Variants in FBLN2 observed in about 807,000 individuals in gnomAD.
FBLN2 encodes the protein fibulin-2.
FBLN2 carries 81 observed loss-of-function variants against 123.7 expected under a neutral mutation model. The ratio of observed to expected loss-of-function variants is 0.65; its 90% CI spans 0.55 to 0.79. The LOEUF is 0.79. FBLN2 is among the 30% of genes least tolerant of loss of function. The probability of loss-of-function intolerance (pLI) is 0.00; values close to 1 mark genes in which losing one functional copy is unlikely to be tolerated. For synonymous variants in FBLN2, 699 were observed against 701.4 expected (o/e 1.00, Z 0.05); for missense variants, 1,603 against 1,681.3 (o/e 0.95, Z 0.81).
intron 5 of FBLN2, among the ~76,000 whole-genome samples, chr3:13,617,194 C>T (rs1705646399): frequency 6.6e-6 from 1 of 151,792 alleles, no homozygotes; most frequent in African/African-American, 2.4e-5. Context: ...ATCCATCCAT[C>T]CATCCATCTA....
intron 6 of FBLN2, 62 bp downstream of exon 6, chr3:13,618,347 G>A: frequency 6.6e-7 from 1 of 1,520,374 alleles, no homozygotes; most frequent in Non-Finnish European, 9.1e-7. Context: ...AGGGGGTGTG[G>A]CATTCCTGGG....
chr3:13,568,998 C>T (rs1465229487), intron 1 of FBLN2: 1 of 985,796 alleles, frequency 1.0e-6, no homozygotes, highest in Non-Finnish European at 1.2e-6. Flanking sequence ...TGTCACTGCC[C>T]TATGGGGCTG....
At chr3:13,593,109 A>T (rs769396055) in intron 2 of FBLN2, among the ~76,000 whole-genome samples, 4 of 152,148 alleles carry the variant, frequency 2.6e-5, no homozygotes, top group Non-Finnish European at 5.9e-5. Context: ...CCCAGATTCA[A>T]CAGGTGGGGA....
At chr3:13,581,567 C>A (rs1349004194) in intron 2 of FBLN2, among the ~76,000 whole-genome samples, 1 of 152,204 alleles carries the variant, frequency 6.6e-6, no homozygotes, top group Non-Finnish European at 1.5e-5. Context: ...AGCAGGGCCG[C>A]TGCTTTTGCC....
chr3:13,572,290 C>T (rs979558610), intron 2 of FBLN2, among the ~76,000 whole-genome samples: 1 of 152,208 alleles, frequency 6.6e-6, no homozygotes, highest in Non-Finnish European at 1.5e-5. Flanking sequence ...TGGGGCCACA[C>T]CAGCTGTACC....
At chr3:13,609,236 G>C (rs575682115) in intron 3 of FBLN2, among the ~76,000 whole-genome samples, 48 of 152,222 alleles carry the variant, frequency 3.2e-4, no homozygotes, top group African/African-American at 1.1e-3. Flanking sequence ...TGTCCTCCCC[G>C]ACCGTTGTGG....
intron 1 of FBLN2, among the ~76,000 whole-genome samples, chr3:13,558,377 C>G (rs1217874521): frequency 1.3e-5 from 2 of 152,010 alleles, no homozygotes; most frequent in Non-Finnish European, 2.9e-5. Context: ...ACCACTCCCC[C>G]CACCCCGCCA....
chr3:13,614,053 A>C lies in FBLN2; in HGVS notation c.1618A>C (p.Asn540His). ...GGGCCAGTCGTGTGAGTCCAATCCT[A>C]ACCTGGGCTATCCCTGCAATCATGT... ...AEGQSCESNPNLGYPCNHVML... is the reference protein window; with the variant it reads ...AEGQSCESNPHLGYPCNHVML... Residue 540 changes from asparagine (N) to histidine (H), a missense_variant, in exon 5 of 18, where the codon AAC becomes CAC. Physicochemically the swap from Asn to His is moderately conservative, Grantham distance 68. Coordinates refer to ENST00000404922, the MANE Select transcript of FBLN2 (RefSeq NM_001004019.2). 6.2e-7 allele frequency: 1 copy of C among 1,613,672 alleles called. No homozygotes were observed. Among genetic ancestry groups the C allele is most frequent in the East Asian group, 2.2e-5 (1 of 44,874 alleles).
chr3:13,561,503 G>T (rs1434892990), intron 1 of FBLN2, among the ~76,000 whole-genome samples: 1 of 152,074 alleles, frequency 6.6e-6, no homozygotes, highest in Non-Finnish European at 1.5e-5. Flanking sequence ...CTGCATGCCG[G>T]CTGCAGTGTG....
rs900257729 is a variant in FBLN2 at position 13,593,180 on chromosome 3, C to T, written c.1307-14882C>T. On this transcript the variant is annotated intron_variant, in intron 2 of 17. Coordinates refer to ENST00000404922, the MANE Select transcript of FBLN2 (RefSeq NM_001004019.2). ...GCATTGAGGTGATTTCTGCAGTCATCACAGATAGGATGGCAATATTCACAC... is the reference window on the plus strand; with the variant it reads ...GCATTGAGGTGATTTCTGCAGTCATTACAGATAGGATGGCAATATTCACAC... Among the ~76,000 whole-genome samples the T allele has an allele frequency of 3.3e-5, 5 of 152,336 alleles. 1 individual carries two copies. The highest frequency in any genetic ancestry group is 1.3e-4 in the Admixed American group (2 of 15,304).
intron 1 of FBLN2, among the ~76,000 whole-genome samples, chr3:13,550,371 CT>C (rs1389437395): frequency 6.6e-6 from 1 of 152,244 alleles, no homozygotes; most frequent in Non-Finnish European, 1.5e-5. Flanking sequence ...CCCTCCCTCC[CT>C]TTTTTGCTGC....
intron 2 of FBLN2, among the ~76,000 whole-genome samples, chr3:13,604,415 G>A (rs1263504086): frequency 1.3e-5 from 2 of 152,082 alleles, no homozygotes; most frequent in Non-Finnish European, 2.9e-5. Flanking sequence ...TTTGTGTAAG[G>A]TGTAAGGAAG....
At chr3:13,549,289 C>A (rs1703259621) in intron 1 of FBLN2, 81 bp downstream of exon 1, 8 of 908,032 alleles carry the variant, frequency 8.8e-6, no homozygotes, top group Middle Eastern at 5.6e-4. Flanking sequence ...GGCGCTCGGA[C>A]GCACCGACGG....
At chr3:13,573,679 G>A (rs1395807618) in intron 2 of FBLN2, among the ~76,000 whole-genome samples, 3 of 152,252 alleles carry the variant, frequency 2.0e-5, no homozygotes, top group Admixed American at 2.0e-4. Context: ...CAAGGTGGGT[G>A]GGTCACCAGA....
Position 13,616,724 on chromosome 3 carries a change from A to G in FBLN2, c.1730-1352A>G, listed in dbSNP as rs183309971. Reference sequence around the variant, plus strand: ...GGCCTCCCCCTGAAGTCCTGGCTGCATGCTTTCCCCACAGTTGTCATACAA... The same window carrying G: ...GGCCTCCCCCTGAAGTCCTGGCTGCGTGCTTTCCCCACAGTTGTCATACAA... On this transcript the variant is annotated intron_variant, in intron 5 of 17. Coordinates refer to ENST00000404922, the MANE Select transcript of FBLN2 (RefSeq NM_001004019.2). Among the ~76,000 whole-genome samples, 55 of 152,306 alleles carry G rather than the reference A, an allele frequency of 3.6e-4. 1 individual carries two copies. The East Asian group carries it at 0.01, about 28-fold the overall frequency.
chr3:13,555,021 C>A (rs952618718), intron 1 of FBLN2, among the ~76,000 whole-genome samples: 1 of 151,224 alleles, frequency 6.6e-6, no homozygotes, highest in Non-Finnish European at 1.5e-5. Context: ...GGTGCGATTC[C>A]GGCTCACTGC....
At chr3:13,559,458 C>T (rs186048181) in intron 1 of FBLN2, among the ~76,000 whole-genome samples, 35 of 152,242 alleles carry the variant, frequency 2.3e-4, no homozygotes, top group Admixed American at 6.5e-5. Flanking sequence ...TAGTCTAATA[C>T]AGTAGGAAAG....
intron 2 of FBLN2, among the ~76,000 whole-genome samples, chr3:13,589,214 A>G (rs1182464640): frequency 1.3e-5 from 2 of 152,206 alleles, no homozygotes; most frequent in African/African-American, 4.8e-5. Flanking sequence ...GCCCCTAGAC[A>G]TCGCAACAAA....
chr3:13,576,519 G>A (rs1483759835), intron 2 of FBLN2, among the ~76,000 whole-genome samples: 1 of 152,268 alleles, frequency 6.6e-6, no homozygotes, highest in East Asian at 1.9e-4. Context: ...GAGACAGGAA[G>A]AAAGTAGAGC....
Sources: gnomAD v4.1 joint callset for allele counts (sites outside exome capture counted in the v4.1 genomes callset) on GRCh38, gnomAD v4.1.1 for gene constraint, MANE v1.5 for transcripts, NCBI Gene and HGNC (gene_info 2026-07-23, HGNC 2026-07-21) for gene names.